Variants in BABAM2 observed in about 807,000 individuals in gnomAD.
BABAM2 encodes the protein BRISC and BRCA1 A complex member 2, also known as BRISC and BRCA1-A complex member 2.
A neutral mutation model predicts 54.7 loss-of-function variants in BABAM2; 31 were observed. That is an observed-to-expected ratio of 0.57 (90% confidence interval 0.43 to 0.77). BABAM2 has a LOEUF of 0.77. BABAM2 is among the 30% of genes least tolerant of loss of function. The pLI is 0.00. For missense variants in BABAM2, 364 were observed against 455.8 expected, an observed-to-expected ratio of 0.80 and a Z score of 1.83; for synonymous variants, 167 against 162.9, an observed-to-expected ratio of 1.03 and a Z score of -0.19.
intron 10 of BABAM2, among the ~76,000 whole-genome samples, chr2:28,253,585 A>C (rs1683693417): frequency 6.6e-6 from 1 of 152,210 alleles, no homozygotes. Flanking sequence ...TAAATCCAGG[A>C]ATAGACTCTA....
intron 3 of BABAM2, among the ~76,000 whole-genome samples, chr2:27,984,678 C>T (rs778064651): frequency 8.6e-5 from 13 of 151,412 alleles, no homozygotes; most frequent in Non-Finnish European, 1.6e-4. Flanking sequence ...TGTTGCATTT[C>T]TCACATTTTA....
chr2:28,279,963 C>T (rs944128502), intron 10 of BABAM2, among the ~76,000 whole-genome samples: 8 of 151,952 alleles, frequency 5.3e-5, no homozygotes, highest in South Asian at 2.1e-4. Context: ...CCACCACGCC[C>T]GGCAGAGGCT....
intron 6 of BABAM2, among the ~76,000 whole-genome samples, chr2:28,126,990 GT>G (rs1395197043): frequency 4.0e-5 from 6 of 151,488 alleles, no homozygotes; most frequent in Non-Finnish European, 8.8e-5. Flanking sequence ...TGATGGGGTT[GT>G]TTTTTTCTTG....
intron 10 of BABAM2, among the ~76,000 whole-genome samples, chr2:28,266,448 C>A (rs1161533213): frequency 6.6e-6 from 1 of 152,256 alleles, no homozygotes; most frequent in Non-Finnish European, 1.5e-5. Flanking sequence ...AGCTTTGCAG[C>A]TCTTCTTCAT....
At chr2:28,301,212 A>G (rs1688084023) in intron 11 of BABAM2, among the ~76,000 whole-genome samples, 1 of 152,224 alleles carries the variant, frequency 6.6e-6, no homozygotes, top group South Asian at 2.1e-4. Context: ...TATGAACAGC[A>G]GTGGAGCCTT....
chr2:28,203,914 C>T (rs1353464649), intron 7 of BABAM2, among the ~76,000 whole-genome samples: 1 of 152,148 alleles, frequency 6.6e-6, no homozygotes, highest in Non-Finnish European at 1.5e-5. Context: ...TTTAGAATCC[C>T]ACCAGCAGCA....
intron 11 of BABAM2, among the ~76,000 whole-genome samples, chr2:28,312,043 A>C (rs1284968165): frequency 6.6e-6 from 1 of 152,226 alleles, no homozygotes; most frequent in Non-Finnish European, 1.5e-5. Flanking sequence ...GTGTTAGTTT[A>C]TGACAGGTGC....
At chr2:28,187,771 C>T (rs1033050975) in intron 7 of BABAM2, among the ~76,000 whole-genome samples, 9 of 146,204 alleles carry the variant, frequency 6.2e-5, no homozygotes, top group East Asian at 2.1e-4. Context: ...TGGGTTCAAG[C>T]GATTATCCTG....
At chr2:28,224,672 C>T (rs1370635055) in intron 7 of BABAM2, among the ~76,000 whole-genome samples, 1 of 152,058 alleles carries the variant, frequency 6.6e-6, no homozygotes, top group African/African-American at 2.4e-5. Flanking sequence ...CAGTCCCCAT[C>T]CTAAGGACAG....
intron 2 of BABAM2, among the ~76,000 whole-genome samples, chr2:27,898,096 C>T (rs1665487181): frequency 6.6e-6 from 1 of 152,190 alleles, no homozygotes; most frequent in Non-Finnish European, 1.5e-5. Flanking sequence ...CTGGATATTT[C>T]AGAGTAACTC....
intron 7 of BABAM2, among the ~76,000 whole-genome samples, chr2:28,224,307 G>T (rs1409248292): frequency 1.3e-5 from 2 of 152,112 alleles, no homozygotes; most frequent in East Asian, 3.9e-4. Context: ...GCACCTTATT[G>T]TTGTCCCTAA....
chr2:28,248,765 T>C (rs1420851623), intron 10 of BABAM2, among the ~76,000 whole-genome samples: 3 of 152,196 alleles, frequency 2.0e-5, no homozygotes, highest in African/African-American at 7.2e-5. Context: ...CTTTGGTAAA[T>C]GACCCTTTGA....
intron 2 of BABAM2, among the ~76,000 whole-genome samples, chr2:27,900,932 A>T (rs748936953): frequency 2.8e-4 from 42 of 150,836 alleles, no homozygotes; most frequent in Non-Finnish European, 4.9e-4. Flanking sequence ...AGTCCCAGCT[A>T]CTCGGGAGGC....
At chr2:28,215,709 C>A (rs1052205461) in intron 7 of BABAM2, among the ~76,000 whole-genome samples, 1 of 152,140 alleles carries the variant, frequency 6.6e-6, no homozygotes, top group Non-Finnish European at 1.5e-5. Flanking sequence ...GTCTTTCTCA[C>A]TCCCTGTTTT....
At chr2:28,083,347 T>C (rs1477127091) in intron 6 of BABAM2, among the ~76,000 whole-genome samples, 1 of 152,198 alleles carries the variant, frequency 6.6e-6, no homozygotes, top group African/African-American at 2.4e-5. Context: ...TCACGTTCTT[T>C]GTCCACTGTG....
At chr2:28,172,318 G>A (rs947302044) in intron 7 of BABAM2, among the ~76,000 whole-genome samples, 1 of 152,148 alleles carries the variant, frequency 6.6e-6, no homozygotes, top group African/African-American at 2.4e-5. Flanking sequence ...ACAAGGACAG[G>A]TTCTTAGGAG....
At chr2:28,254,397 A>G (rs1317562417) in intron 10 of BABAM2, among the ~76,000 whole-genome samples, 3 of 152,138 alleles carry the variant, frequency 2.0e-5, no homozygotes, top group East Asian at 1.9e-4. Flanking sequence ...TCGATCTCCC[A>G]AAGTGCTGGG....
At chr2:28,107,927 A>G (rs1370328762) in intron 6 of BABAM2, among the ~76,000 whole-genome samples, 1 of 152,222 alleles carries the variant, frequency 6.6e-6, no homozygotes, top group Non-Finnish European at 1.5e-5. Flanking sequence ...ATGGAATTGA[A>G]GACAGGAGAA....
At chr2:28,013,680 A>T (rs1431618787) in intron 4 of BABAM2, among the ~76,000 whole-genome samples, 1 of 129,984 alleles carries the variant, frequency 7.7e-6, no homozygotes, top group Non-Finnish European at 1.7e-5. Context: ...AAAAAAAAAA[A>T]AAAAAAAAGC....
Sources: allele counts gnomAD v4.1 joint callset (sites outside exome capture counted in the v4.1 genomes callset), GRCh38; gene constraint gnomAD v4.1.1; transcripts MANE v1.5; gene names NCBI Gene and HGNC (gene_info 2026-07-23, HGNC 2026-07-21).